The following HS3ST3A1 variants were observed in gnomAD, a reference collection of about 807,000 sequenced individuals.
HS3ST3A1 encodes the protein heparan sulfate glucosamine 3-O-sulfotransferase 3A1.
HS3ST3A1 carries 19 observed loss-of-function variants against 25.7 expected under a neutral mutation model. That is an observed-to-expected ratio of 0.74 (90% CI 0.52 to 1.08). The LOEUF is 1.08. HS3ST3A1 is among the 50% of genes least tolerant of loss of function. The probability of loss-of-function intolerance (pLI) is 0.00; values close to 1 mark genes in which losing one functional copy is unlikely to be tolerated. For missense variants in HS3ST3A1, 459 were observed against 594.3 expected (o/e 0.77, Z 2.37); for synonymous variants, 226 against 278.6 (o/e 0.81, Z 1.88).
intron 1 of HS3ST3A1, among the ~76,000 whole-genome samples, chr17:13,516,963 G>C (rs546657931): frequency 1.3e-5 from 2 of 152,266 alleles, no homozygotes; most frequent in African/African-American, 4.8e-5. Flanking sequence ...TGGGATTACA[G>C]GCGTGAGCCA....
intron 1 of HS3ST3A1, among the ~76,000 whole-genome samples, chr17:13,531,946 G>A (rs1333483936): frequency 6.6e-6 from 1 of 152,108 alleles, no homozygotes; most frequent in African/African-American, 2.4e-5. Context: ...TAACTATTCT[G>A]GCCACATCAA....
intron 1 of HS3ST3A1, among the ~76,000 whole-genome samples, chr17:13,505,407 G>A (rs1905630481): frequency 6.6e-6 from 1 of 152,114 alleles, no homozygotes; most frequent in African/African-American, 2.4e-5. Context: ...ATGATGACTT[G>A]ATTAACGTCA....
At chr17:13,567,558 C>T (rs185991152) in intron 1 of HS3ST3A1, among the ~76,000 whole-genome samples, 3 of 152,308 alleles carry the variant, frequency 2.0e-5, no homozygotes, top group African/African-American at 4.8e-5. Context: ...ATTCTAGGTG[C>T]CATGAAGAAC....
chr17:13,553,498 TC>T lies in HS3ST3A1; in HGVS notation c.599+47032del, dbSNP rs529908899. Among the ~76,000 whole-genome samples the T allele has an allele frequency of 7.6e-4, 116 of 152,298 alleles. 3 individuals are homozygous for T. In the South Asian group the frequency reaches 0.023, roughly 30 times the overall value. On this transcript the variant is annotated intron_variant, in intron 1 of 1. Transcript: ENST00000284110. ...CTCTTAGTTGAAACAACTAAGATCT[TC>T]TCTACCCTTGATTTTGTTGGGGTCC...
At chr17:13,511,642 A>G (rs1905863842) in intron 1 of HS3ST3A1, among the ~76,000 whole-genome samples, 1 of 151,562 alleles carries the variant, frequency 6.6e-6, no homozygotes, top group Non-Finnish European at 1.5e-5. Flanking sequence ...CCACTCTGAC[A>G]TGTATAAATA....
chr17:13,494,675 T>G lies in HS3ST3A1; in HGVS notation c.*1522A>C, dbSNP rs1357948264. Among the ~76,000 whole-genome samples, 2 of 152,206 alleles carry G rather than the reference T, an allele frequency of 1.3e-5. No individual in the cohort carries two copies. Among genetic ancestry groups the G allele is most frequent in the African/African-American group, 2.4e-5 (1 of 41,468 alleles). ...ATGTTGCTGACAGGCTAATTATAAA[T>G]GTTTTATATATTTCGTGCATATGTG... On this transcript the variant is annotated 3_prime_UTR_variant, in exon 2 of 2. Transcript: ENST00000284110.
chr17:13,589,813 G>A (rs961556823), intron 1 of HS3ST3A1, among the ~76,000 whole-genome samples: 6 of 152,184 alleles, frequency 3.9e-5, no homozygotes, highest in Admixed American at 2.0e-4. Flanking sequence ...GAAAGGTGAC[G>A]AGGGGAGCAG....
At chr17:13,560,250 A>G (rs1019619844) in intron 1 of HS3ST3A1, among the ~76,000 whole-genome samples, 1 of 134,400 alleles carries the variant, frequency 7.4e-6, no homozygotes, top group Non-Finnish European at 1.5e-5. Flanking sequence ...AGACAGCGCC[A>G]CTATACTCCA....
intron 1 of HS3ST3A1, among the ~76,000 whole-genome samples, chr17:13,583,840 G>A (rs143177683): frequency 9.9e-5 from 15 of 152,256 alleles, no homozygotes; most frequent in Non-Finnish European, 2.2e-4. Flanking sequence ...ACACTACAAC[G>A]GTATTTGGCT....
At chr17:13,504,674 A>G (rs1905598961) in intron 1 of HS3ST3A1, among the ~76,000 whole-genome samples, 1 of 152,200 alleles carries the variant, frequency 6.6e-6, no homozygotes, top group South Asian at 2.1e-4. Context: ...AAATAAATGG[A>G]CCAATATCCC....
At position 13,496,169 on chromosome 17, in the gene HS3ST3A1, AT is replaced by A. The variant is rs67951062; in HGVS notation, c.*27del. ...TGGTAAAAAAATATATTATATTTTGATTTTTTTTTTCTTTTTAAATTATATG... is the reference window on the plus strand; with the variant it reads ...TGGTAAAAAAATATATTATATTTTGATTTTTTTTTCTTTTTAAATTATATG... On this transcript the variant is annotated 3_prime_UTR_variant, in exon 2 of 2. Coordinates refer to ENST00000284110, the MANE Select transcript of HS3ST3A1 (RefSeq NM_006042.3). 360 of 1,452,160 alleles carry A rather than the reference AT, an allele frequency of 2.5e-4. 1 individual carries two copies. The East Asian group carries it at 6.4e-3, about 26-fold the overall frequency. The allele number at this position is 1,452,160 out of a possible 1,614,324, so 90.0% of individuals were successfully genotyped here.
At chr17:13,545,226 C>T (rs1362183382) in intron 1 of HS3ST3A1, among the ~76,000 whole-genome samples, 1 of 152,170 alleles carries the variant, frequency 6.6e-6, no homozygotes, top group Non-Finnish European at 1.5e-5. Context: ...AATTAAACTG[C>T]CAATGCAGAT....
chr17:13,497,269 A>G (rs934727831), intron 1 of HS3ST3A1, among the ~76,000 whole-genome samples: 2 of 152,218 alleles, frequency 1.3e-5, no homozygotes, highest in African/African-American at 4.8e-5. Context: ...CAAAGCAATC[A>G]TATTCAACAT....
intron 1 of HS3ST3A1, among the ~76,000 whole-genome samples, chr17:13,506,915 A>AT (rs1021550161): frequency 1.3e-5 from 2 of 151,630 alleles, no homozygotes; most frequent in African/African-American, 4.8e-5. Context: ...AAAAAAAAAA[A>AT]AAAATTAGCC....
At chr17:13,548,447 A>G (rs1292105118) in intron 1 of HS3ST3A1, among the ~76,000 whole-genome samples, 19 of 152,222 alleles carry the variant, frequency 1.2e-4, no homozygotes. Context: ...CATGGAAGAT[A>G]AGGGCTTCAA....
intron 1 of HS3ST3A1, among the ~76,000 whole-genome samples, chr17:13,583,762 A>G (rs1908174694): frequency 6.6e-6 from 1 of 152,178 alleles, no homozygotes; most frequent in African/African-American, 2.4e-5. Flanking sequence ...AATTTTCTCT[A>G]TTTCTTTTCT....
chr17:13,553,327 AC>A (rs1907290668), intron 1 of HS3ST3A1, among the ~76,000 whole-genome samples: 1 of 152,142 alleles, frequency 6.6e-6, no homozygotes, highest in African/African-American at 2.4e-5. Context: ...GCCATGACAT[AC>A]CTTGTGTGAG....
chr17:13,587,425 A>G (rs1316763136), intron 1 of HS3ST3A1, among the ~76,000 whole-genome samples: 3 of 152,226 alleles, frequency 2.0e-5, no homozygotes, highest in East Asian at 1.9e-4. Flanking sequence ...CTGCACTCCA[A>G]TCTGGTGACT....
rs552958559 is a variant in HS3ST3A1, at chr17:13,546,928, C to T, written c.600-50110G>A. On this transcript the variant is annotated intron_variant, in intron 1 of 1. Transcript: ENST00000284110. ...TTACTCTAAAACTTTTCAGACCTTCCGATGGGCTACTAAGCAGTATAAAAC... is the reference window on the plus strand; with the variant it reads ...TTACTCTAAAACTTTTCAGACCTTCTGATGGGCTACTAAGCAGTATAAAAC... Among the ~76,000 whole-genome samples the T allele has an allele frequency of 5.9e-5, 9 of 151,992 alleles. No homozygotes were observed. In the South Asian group the frequency reaches 6.2e-4, roughly 10 times the overall value.
Sources: allele counts gnomAD v4.1 joint callset (sites outside exome capture counted in the v4.1 genomes callset), GRCh38; gene constraint gnomAD v4.1.1; transcripts MANE v1.5; gene names NCBI Gene and HGNC (gene_info 2026-07-23, HGNC 2026-07-21).